The following DHRS2 variants were observed in gnomAD, a reference collection of about 807,000 sequenced individuals.
DHRS2 encodes the protein dehydrogenase/reductase SDR family member 2, mitochondrial.
DHRS2 carries 29 observed loss-of-function variants against 26.3 expected under a neutral mutation model. The observed-to-expected ratio is 1.10, with a 90% CI of 0.82 to 1.50. The LOEUF (loss-of-function observed/expected upper bound fraction) is 1.50, where lower values mean the gene tolerates loss of function less well. DHRS2 is among the 40% of genes most tolerant of loss of function. DHRS2 has a pLI of 0.00. For missense variants in DHRS2, 439 were observed against 367.1 expected (o/e 1.20, Z -1.60); for synonymous variants, 164 against 151.3 (o/e 1.08, Z -0.62).
rs774030550 is a variant in DHRS2, at chr14:23,638,851, A to G, written c.-14A>G. 2 of 1,611,688 alleles carry G rather than the reference A, an allele frequency of 1.2e-6. No individual in the cohort carries two copies. Among genetic ancestry groups the G allele is most frequent in the Non-Finnish European group, 1.7e-6 (2 of 1,178,568 alleles). ...GGCCTGATTCAGCAGGAAGCATCTC[A>G]GACACCAACCACTATGCTGTCAGCA... On this transcript the variant is annotated 5_prime_UTR_variant, in exon 2 of 9. Transcript: ENST00000250383.
chr14:23,636,045 C>A (rs372717582), upstream of DHRS2, among the ~76,000 whole-genome samples: 32 of 151,316 alleles, frequency 2.1e-4, no homozygotes, highest in African/African-American at 7.6e-4. Flanking sequence ...TAAATGCACC[C>A]ATCAGCACTC....
chr14:23,639,964 T>A, intron 4 of DHRS2, 69 bp downstream of exon 4: 1 of 1,295,572 alleles, frequency 7.7e-7, no homozygotes, highest in African/African-American at 1.5e-5. Context: ...CCAGCATGCC[T>A]GTGCCCACCA....
rs1890556081 is a variant in DHRS2 at position 23,639,827 on chromosome 14, G to T, written c.352G>T (p.Val118Leu). 1.2e-6 allele frequency: 2 copies of T among 1,610,152 alleles called. No individual in the cohort carries two copies. Among genetic ancestry groups the T allele is most frequent in the African/African-American group, 2.7e-5 (2 of 74,668 alleles). ...LEHCGGVDFL[V>L]CSAGVNPLVG... ...GCACTGTGGGGGCGTCGACTTCCTG[G>T]TGTGCAGCGCAGGGGTCAACCCTCT... Residue 118 changes from valine to leucine, a missense_variant, in exon 4 of 9, where the codon GTG becomes TTG. Val to Leu is a conservative substitution (Grantham distance 32). Transcript: ENST00000250383.
chr14:23,643,527 C>T (rs1459118487), intron 5 of DHRS2: 3 of 368,946 alleles, frequency 8.1e-6, no homozygotes, highest in Non-Finnish European at 1.5e-5. Context: ...TACCTGCTCT[C>T]TGTTCTTACC....
At chr14:23,644,375 C>T (rs1460032609) in intron 6 of DHRS2, 34 bp from the exon 7 acceptor site, 1 of 1,613,274 alleles carries the variant, frequency 6.2e-7, no homozygotes, top group Admixed American at 1.7e-5. Flanking sequence ...CCCACTCTCC[C>T]ATATCCTAAT....
At chr14:23,636,908 C>G (rs1251430882) in intron 1 of DHRS2, 136 bp downstream of exon 1, 2 of 152,208 alleles carry the variant, frequency 1.3e-5, no homozygotes, top group Non-Finnish European at 2.9e-5. Context: ...GGGTGTCAGG[C>G]TTTCTGGGAA....
intron 2 of DHRS2, 64 bp from the exon 3 acceptor site, chr14:23,639,115 T>C: frequency 6.3e-7 from 1 of 1,596,414 alleles, no homozygotes; most frequent in Non-Finnish European, 8.5e-7. Context: ...TTTCCAGAGC[T>C]GGGTAGAGGA....
At chr14:23,644,052 G>A in intron 5 of DHRS2, 59 bp from the exon 6 acceptor site, 10 of 1,524,782 alleles carry the variant, frequency 6.6e-6, no homozygotes, top group Non-Finnish European at 9.1e-6. Flanking sequence ...ACTCATGATA[G>A]TGTCACCATC....
At chr14:23,632,144 A>C (rs1890137814), upstream of DHRS2, among the ~76,000 whole-genome samples, 1 of 152,126 alleles carries the variant, frequency 6.6e-6, no homozygotes, top group Non-Finnish European at 1.5e-5. Context: ...GTCCCGACAA[A>C]AGGCGAGTCC....
At chr14:23,633,595 C>A (rs746631483), upstream of DHRS2, among the ~76,000 whole-genome samples, 28 of 152,134 alleles carry the variant, frequency 1.8e-4, no homozygotes, top group Admixed American at 1.6e-3. Context: ...CCTTATTGAG[C>A]ACTCCTGTGT....
chr14:23,632,800 A>T (rs2138355634), upstream of DHRS2, among the ~76,000 whole-genome samples: 1 of 152,294 alleles, frequency 6.6e-6, no homozygotes, highest in Middle Eastern at 3.4e-3. Flanking sequence ...CCCAGGCCAG[A>T]GCCTCCTGCA....
In DHRS2 at chr14:23,645,308, T is replaced by C. The variant is rs1440609366; in HGVS notation, c.*55T>C. ...TCCCAGGCCCAGGAGCCTGAGGGGG[T>C]GTCTAGGTGATCATTTGGATCTGGA... On this transcript the variant is annotated 3_prime_UTR_variant, in exon 9 of 9. Coordinates refer to ENST00000250383, the MANE Select transcript of DHRS2 (RefSeq NM_005794.4). The C allele has an allele frequency of 7.4e-6, 12 of 1,610,858 alleles. No homozygotes were observed. Among genetic ancestry groups the C allele is most frequent in the Non-Finnish European group, 1.0e-5 (12 of 1,179,398 alleles).
In DHRS2 at chr14:23,639,333, G is replaced by C; in HGVS notation, c.295G>C (p.Asp99His). The C allele has an allele frequency of 1.3e-6, 2 of 1,575,422 alleles. No individual in the cohort carries two copies. The highest frequency in any genetic ancestry group is 1.7e-6 in the Non-Finnish European group (2 of 1,161,588). ...GIVCHVGKAE[D>H]REQLVAKALE... ...TGTGTGCCACGTGGGGAAGGCTGAGGACCGGGAGCAGCTGGTGGCCAAGGT... is the reference window on the plus strand; with the variant it reads ...TGTGTGCCACGTGGGGAAGGCTGAGCACCGGGAGCAGCTGGTGGCCAAGGT... The change falls in exon 3 of 9, where the codon GAC (aspartate) becomes CAC (histidine). Residue 99 changes from aspartate to histidine, a missense_variant. Transcript: ENST00000250383.
intron 5 of DHRS2, 125 bp downstream of exon 5, chr14:23,643,344 A>G: frequency 1.2e-6 from 1 of 840,326 alleles, no homozygotes; most frequent in East Asian, 2.5e-5. Context: ...CACATCCCTC[A>G]TCTTCTTGTC....
Position 23,639,500 on chromosome 14 carries a change from A to T in DHRS2, c.318+144A>T, listed in dbSNP as rs150243637. 6 of 1,259,350 alleles carry T rather than the reference A, an allele frequency of 4.8e-6. No individual in the cohort carries two copies. In the African/African-American group the frequency reaches 9.1e-5, roughly 19 times the overall value. 78.0% of individuals were successfully genotyped at this position (1,259,350 alleles called of 1,614,324 possible). A position where few individuals can be genotyped will look rare whatever the true frequency, so the allele number is the denominator to read the frequency against. ...TGCCCAAGCTAACCTCGCTACCCAG[A>T]AGGTCCCTCAGGAAAGTGACCTGTT... is the stretch of plus-strand genomic sequence containing the variant. On this transcript the variant is annotated intron_variant, in intron 3 of 8. Coordinates refer to ENST00000250383, the MANE Select transcript of DHRS2 (RefSeq NM_005794.4).
intron 5 of DHRS2, 146 bp downstream of exon 5, chr14:23,643,365 A>G: frequency 1.4e-6 from 1 of 726,008 alleles, no homozygotes; most frequent in Non-Finnish European, 2.3e-6. Flanking sequence ...CTGCCTCCCC[A>G]TCTGTGTGGC....
intron 3 of DHRS2, 127 bp from the exon 4 acceptor site, chr14:23,639,667 G>A: frequency 9.2e-7 from 1 of 1,088,918 alleles, no homozygotes; most frequent in Non-Finnish European, 1.3e-6. Flanking sequence ...CCTGCCCTTG[G>A]GACACCTAGG....
At chr14:23,641,453 C>T (rs1890664828) in intron 4 of DHRS2, 1 of 440,990 alleles carries the variant, frequency 2.3e-6, no homozygotes, top group Non-Finnish European at 3.8e-6. Context: ...CTCTCTCTTA[C>T]TTTCTAATGG....
upstream of DHRS2, among the ~76,000 whole-genome samples, chr14:23,632,529 CA>C (rs1353662616): frequency 6.6e-6 from 1 of 152,182 alleles, no homozygotes; most frequent in Non-Finnish European, 1.5e-5. Context: ...CAAAGCAAAG[CA>C]TTTGGTCGCC....
Sources: allele counts gnomAD v4.1 joint callset (sites outside exome capture counted in the v4.1 genomes callset), GRCh38; gene constraint gnomAD v4.1.1; transcripts MANE v1.5; gene names NCBI Gene and HGNC (gene_info 2026-07-23, HGNC 2026-07-21).